The following SLC6A2 variants were observed in gnomAD, a reference collection of about 807,000 sequenced individuals.
The protein encoded by SLC6A2 is solute carrier family 6 member 2, also known as sodium-dependent noradrenaline transporter.
In SLC6A2, 26 loss-of-function variants were observed where a neutral mutation model predicts 71.7. The ratio of observed to expected loss-of-function variants is 0.36; its 90% CI spans 0.27 to 0.50. The LOEUF (loss-of-function observed/expected upper bound fraction) is 0.50. Ranked by LOEUF, SLC6A2 falls within the 20% of genes least tolerant of loss-of-function variation. The pLI, the probability that SLC6A2 is intolerant of heterozygous loss-of-function variation, is 0.96. For synonymous variants in SLC6A2, 363 were observed against 337.9 expected (o/e 1.07, Z -0.82); for missense variants, 581 against 803.9 (o/e 0.72, Z 3.35).
At chr16:55,671,807 T>C (rs765578823) in intron 3 of SLC6A2, 131 bp from the exon 4 acceptor site, 3 of 1,503,840 alleles carry the variant, frequency 2.0e-6, no homozygotes, top group Non-Finnish European at 2.7e-6. Context: ...GCTGAAAAGG[T>C]TGGGGACCGC....
intron 11 of SLC6A2, 77 bp from the exon 12 acceptor site, chr16:55,699,477 G>T: frequency 8.6e-7 from 1 of 1,158,764 alleles, no homozygotes; most frequent in East Asian, 2.3e-5. Context: ...CTCCACCTGG[G>T]GCCAGAACCT....
At chr16:55,669,788 A>AC in intron 3 of SLC6A2, 92 bp downstream of exon 3, 1 of 1,396,276 alleles carries the variant, frequency 7.2e-7, no homozygotes, top group Non-Finnish European at 1.0e-6. Flanking sequence ...TCTAAGGTAG[A>AC]CCTCCTGTCA....
chr16:55,668,446 C>A (rs1385636910), intron 2 of SLC6A2, among the ~76,000 whole-genome samples: 1 of 152,078 alleles, frequency 6.6e-6, no homozygotes, highest in Non-Finnish European at 1.5e-5. Flanking sequence ...TTCCTGTTTT[C>A]TTGATGTGGG....
At chr16:55,695,138 C>A in intron 7 of SLC6A2, 140 bp from the exon 8 acceptor site, 5 of 912,462 alleles carry the variant, frequency 5.5e-6, no homozygotes, top group Non-Finnish European at 1.8e-6. Context: ...GGCCCTGTAT[C>A]CATGTGGCAG....
Position 55,691,254 on chromosome 16 carries a change from AGAGAGAGAGAG to A in SLC6A2, c.784-663_784-653del, listed in dbSNP as rs1355290078. Among the ~76,000 whole-genome samples, 352 of 143,182 alleles carry A rather than the reference AGAGAGAGAGAG, an allele frequency of 2.5e-3. 2 individuals carry two copies. Among genetic ancestry groups the A allele is most frequent in the Non-Finnish European group, 3.3e-3 (212 of 65,228 alleles). The allele number at this position is 143,182 out of a possible 152,430, so 93.9% of individuals were successfully genotyped here. ...GGGAGAGAGAGAGAGAGAGAGAGAG[AGAGAGAGAGAG>A]AGAGAGAGAGAGAGAGACTGAGATT... On this transcript the variant is annotated intron_variant, in intron 5 of 14. Coordinates refer to ENST00000568943, the MANE Select transcript of SLC6A2 (RefSeq NM_001172501.3).
At chr16:55,681,704 C>T (rs1965276461) in intron 4 of SLC6A2, among the ~76,000 whole-genome samples, 1 of 152,192 alleles carries the variant, frequency 6.6e-6, no homozygotes, top group Admixed American at 6.5e-5. Context: ...ATATGTTTTC[C>T]TTACAAGCCT....
chr16:55,696,377 T>C (rs1965799561), intron 9 of SLC6A2, 40 bp downstream of exon 9: 1 of 1,211,354 alleles, frequency 8.3e-7, no homozygotes, highest in African/African-American at 1.5e-5. Context: ...CCCATCCCAC[T>C]GGGCCTGACC....
At chr16:55,660,304 A>C (rs1964575919) in intron 2 of SLC6A2, among the ~76,000 whole-genome samples, 1 of 152,208 alleles carries the variant, frequency 6.6e-6, no homozygotes, top group South Asian at 2.1e-4. Context: ...CTTGAAAGCC[A>C]GGCTAAGGGG....
At chr16:55,689,626 A>G (rs1268007904) in intron 5 of SLC6A2, among the ~76,000 whole-genome samples, 1 of 152,232 alleles carries the variant, frequency 6.6e-6, no homozygotes, top group Non-Finnish European at 1.5e-5. Flanking sequence ...AGTCTCAAGG[A>G]GATGTGAGAG....
At position 55,705,447 on chromosome 16, in the gene SLC6A2, C is replaced by T; in HGVS notation, c.*3101C>T. The T allele has an allele frequency of 1.8e-6, 1 of 564,074 alleles. No homozygotes were observed. The highest frequency in any genetic ancestry group is 3.1e-6 in the Non-Finnish European group (1 of 320,628). The allele number at this position is 564,074 out of a possible 1,614,324, so 34.9% of individuals were successfully genotyped here. On this transcript the variant is annotated 3_prime_UTR_variant, in exon 15 of 15. Coordinates refer to ENST00000568943, the MANE Select transcript of SLC6A2 (RefSeq NM_001172501.3). Reference sequence around the variant, plus strand: ...TGAACTCACTTTATTTGTTTATTTCCTTCGAAAGCCACCGAAGAGAGAAAA... The same window carrying T: ...TGAACTCACTTTATTTGTTTATTTCTTTCGAAAGCCACCGAAGAGAGAAAA...
chr16:55,666,484 A>G (rs1389573244), intron 2 of SLC6A2, among the ~76,000 whole-genome samples: 1 of 152,202 alleles, frequency 6.6e-6, no homozygotes, highest in Non-Finnish European at 1.5e-5. Flanking sequence ...TGGGCAAGCT[A>G]GCTGTCCTCT....
At chr16:55,685,424 A>T in intron 5 of SLC6A2, 143 bp downstream of exon 5, 1 of 841,548 alleles carries the variant, frequency 1.2e-6, no homozygotes, top group South Asian at 1.4e-5. Context: ...CTGTTCTGCC[A>T]CTGACTTGGA....
intron 2 of SLC6A2, among the ~76,000 whole-genome samples, chr16:55,660,027 G>T (rs1199626982): frequency 1.3e-5 from 2 of 152,198 alleles, no homozygotes; most frequent in African/African-American, 4.8e-5. Context: ...GAAATGGATG[G>T]AGAGACAAGT....
At chr16:55,674,061 A>G (rs1375465666) in intron 4 of SLC6A2, among the ~76,000 whole-genome samples, 2 of 152,166 alleles carry the variant, frequency 1.3e-5, no homozygotes, top group Non-Finnish European at 2.9e-5. Context: ...ATTTGGGGGT[A>G]CACAAGTAGG....
rs74811825 is a variant in SLC6A2, at chr16:55,673,495, G to A, written c.644+1320G>A. ...TAGCATTTGTTGATGATTCTTGCAA[G>A]TAAGGACTATTACCATGATGTTTAT... On this transcript the variant is annotated intron_variant, in intron 4 of 14. Coordinates refer to ENST00000568943, the MANE Select transcript of SLC6A2 (RefSeq NM_001172501.3). 9.5e-3 allele frequency among the ~76,000 whole-genome samples: 1,444 copies of A among 152,286 alleles called. 26 individuals carry two copies. Among genetic ancestry groups the A allele is most frequent in the African/African-American group, 0.033 (1,368 of 41,550 alleles).
At chr16:55,662,931 G>A (rs1964648579) in intron 2 of SLC6A2, among the ~76,000 whole-genome samples, 1 of 152,204 alleles carries the variant, frequency 6.6e-6, no homozygotes, top group Non-Finnish European at 1.5e-5. Flanking sequence ...GTCTGCAGCA[G>A]ACACCAGCTG....
In SLC6A2 at chr16:55,656,389, T is replaced by C; in HGVS notation, c.-52+220T>C. On this transcript the variant is annotated intron_variant, in intron 1 of 14. Coordinates refer to ENST00000568943, the MANE Select transcript of SLC6A2 (RefSeq NM_001172501.3). The surrounding 1 kb of genome is among the most constrained non-coding windows in gnomAD (Gnocchi z 4.5). ...CCCAGCCATTTGGGGCAGGCGAGAG[T>C]GGGTGAACGAGGAAAAGTGCTGCAG... 1 of 483,452 alleles carries C rather than the reference T, an allele frequency of 2.1e-6. No homozygotes were observed. Among genetic ancestry groups the C allele is most frequent in the Non-Finnish European group, 3.8e-6 (1 of 264,600 alleles). The allele number at this position is 483,452 out of a possible 1,614,324, so 29.9% of individuals were successfully genotyped here.
chr16:55,672,301 GC>G, intron 4 of SLC6A2, 126 bp downstream of exon 4: 2 of 1,520,758 alleles, frequency 1.3e-6, no homozygotes, highest in Non-Finnish European at 1.8e-6. Context: ...TTACTGAGCA[GC>G]CACTGGCCTG....
intron 4 of SLC6A2, among the ~76,000 whole-genome samples, chr16:55,680,075 AG>A (rs1965222077): frequency 6.6e-6 from 1 of 152,190 alleles, no homozygotes; most frequent in African/African-American, 2.4e-5. Flanking sequence ...TCTGGATGGC[AG>A]GGGCAAAGTT....
Sources: allele counts gnomAD v4.1 joint callset (sites outside exome capture counted in the v4.1 genomes callset), GRCh38; gene constraint gnomAD v4.1.1; non-coding constraint Gnocchi (gnomAD v3.1); transcripts MANE v1.5; gene names NCBI Gene and HGNC (gene_info 2026-07-23, HGNC 2026-07-21).